SLC4A10: variants seen among roughly 807,000 people sequenced by gnomAD.
SLC4A10 encodes sodium-driven chloride bicarbonate exchanger.
SLC4A10 carries 42 observed loss-of-function variants against 137.7 expected under a neutral mutation model. That is an observed-to-expected ratio of 0.30 (90% CI 0.24 to 0.39). The LOEUF is 0.39. Among genes scored for constraint, SLC4A10 ranks in the 10% least tolerant of loss-of-function variants. The probability of loss-of-function intolerance (pLI) is 1.00; values close to 1 mark genes in which losing one functional copy is unlikely to be tolerated. For missense variants in SLC4A10, 925 were observed against 1,355.0 expected (o/e 0.68, Z 4.98); for synonymous variants, 474 against 464.1 (o/e 1.02, Z -0.27).
intron 1 of SLC4A10, among the ~76,000 whole-genome samples, chr2:161,711,097 A>G (rs576803379): frequency 6.6e-6 from 1 of 151,984 alleles, no homozygotes; most frequent in African/African-American, 2.4e-5. Context: ...AACTTTATTG[A>G]AAATTGCATT....
rs139509936 is a variant in SLC4A10 at position 161,863,147 on chromosome 2, T to C, written c.766+85T>C. The C allele has an allele frequency of 6.2e-5, 77 of 1,233,470 alleles. No individual in the cohort carries two copies. The African/African-American group carries it at 1.1e-3, about 18-fold the overall frequency. The allele number at this position is 1,233,470 out of a possible 1,614,324, so 76.4% of individuals were successfully genotyped here. On this transcript the variant is annotated intron_variant, in intron 6 of 26. Transcript: ENST00000446997. ...CTTCTAAATCTTTTAAAACTTGTTT[T>C]ATTTGAAAATGATTTTTTGAAATTC...
chr2:161,904,939 C>T, intron 14 of SLC4A10, 30 bp downstream of exon 14: 1 of 1,609,816 alleles, frequency 6.2e-7, no homozygotes, highest in Non-Finnish European at 8.5e-7. Context: ...TGGCCCTTAG[C>T]CTCTTCCTTT....
At chr2:161,799,098 T>C (rs1259434782) in intron 2 of SLC4A10, among the ~76,000 whole-genome samples, 2 of 151,546 alleles carry the variant, frequency 1.3e-5, no homozygotes, top group African/African-American at 2.4e-5. Context: ...CATATCTAAA[T>C]GGTTTTGTAT....
At chr2:161,951,887 T>C (rs79306574) in intron 19 of SLC4A10, among the ~76,000 whole-genome samples, 7,424 of 152,214 alleles carry the variant, frequency 0.049, 232 homozygotes, top group South Asian at 0.078. Context: ...ATTTTGAGTA[T>C]ATGGTGGAGA....
At chr2:161,879,652 T>C (rs892700681) in intron 9 of SLC4A10, among the ~76,000 whole-genome samples, 2 of 151,752 alleles carry the variant, frequency 1.3e-5, no homozygotes, top group Non-Finnish European at 2.9e-5. Context: ...AAGGATCCTG[T>C]GCATGAGTGC....
At chr2:161,943,405 ATTC>A (rs1360181965) in intron 16 of SLC4A10, among the ~76,000 whole-genome samples, 1 of 151,914 alleles carries the variant, frequency 6.6e-6, no homozygotes, top group African/African-American at 2.4e-5. Flanking sequence ...TTTCCATTTT[ATTC>A]TTATCTCCCA....
chr2:161,818,067 G>T (rs2057269784), intron 3 of SLC4A10, among the ~76,000 whole-genome samples: 1 of 152,024 alleles, frequency 6.6e-6, no homozygotes, highest in African/African-American at 2.4e-5. Flanking sequence ...AAATTACCTT[G>T]GGCAATATGG....
intron 10 of SLC4A10, among the ~76,000 whole-genome samples, chr2:161,884,836 T>G (rs2062108406): frequency 6.6e-6 from 1 of 152,238 alleles, no homozygotes. Flanking sequence ...TCTCAAAGCC[T>G]CGGTGAGGCA....
At chr2:161,759,922 T>C (rs2050073660) in intron 1 of SLC4A10, among the ~76,000 whole-genome samples, 1 of 151,976 alleles carries the variant, frequency 6.6e-6, no homozygotes, top group African/African-American at 2.4e-5. Context: ...TTTCCTAGAG[T>C]AACAAAAAAA....
intron 25 of SLC4A10, 86 bp from the exon 26 acceptor site, chr2:161,977,635 GT>G (rs1034816742): frequency 8.8e-7 from 1 of 1,135,270 alleles, no homozygotes; most frequent in Non-Finnish European, 1.3e-6. Flanking sequence ...TTGGGACAGT[GT>G]TTACTATAAT....
intron 2 of SLC4A10, among the ~76,000 whole-genome samples, chr2:161,782,046 A>ACC (rs1179060072): frequency 1.3e-5 from 2 of 152,118 alleles, no homozygotes; most frequent in East Asian, 3.9e-4. Context: ...TTATCTAGCC[A>ACC]CCTGGGGGAG....
At chr2:161,647,589 A>G (rs1245423621) in intron 1 of SLC4A10, among the ~76,000 whole-genome samples, 1 of 152,174 alleles carries the variant, frequency 6.6e-6, no homozygotes, top group Non-Finnish European at 1.5e-5. Context: ...AAGAACTACA[A>G]GAAAAAGATG....
intron 1 of SLC4A10, among the ~76,000 whole-genome samples, chr2:161,703,391 A>G (rs747896353): frequency 5.3e-5 from 8 of 151,862 alleles, no homozygotes; most frequent in Non-Finnish European, 8.9e-5. Flanking sequence ...AAATGTTAAT[A>G]TAATACTTGG....
At chr2:161,808,184 TTTC>T (rs2056191582) in intron 3 of SLC4A10, among the ~76,000 whole-genome samples, 1 of 152,134 alleles carries the variant, frequency 6.6e-6, no homozygotes, top group African/African-American at 2.4e-5. Context: ...CATGTCCTAT[TTTC>T]TATTATTTTC....
intron 15 of SLC4A10, among the ~76,000 whole-genome samples, chr2:161,916,206 A>C (rs1217921099): frequency 6.6e-6 from 1 of 152,220 alleles, no homozygotes; most frequent in Non-Finnish European, 1.5e-5. Context: ...TTTGTATTTT[A>C]GTCCATTTAT....
At chr2:161,977,828 A>G in intron 26 of SLC4A10, 68 bp downstream of exon 26, 1 of 1,469,136 alleles carries the variant, frequency 6.8e-7, no homozygotes, top group Non-Finnish European at 9.1e-7. Context: ...TCTTCTAGAA[A>G]CCTGGTCAGT....
At chr2:161,843,106 A>T (rs1164597322) in intron 4 of SLC4A10, among the ~76,000 whole-genome samples, 1 of 152,174 alleles carries the variant, frequency 6.6e-6, no homozygotes, top group Non-Finnish European at 1.5e-5. Flanking sequence ...TGGAATATAT[A>T]TTTGGGCAAG....
chr2:161,817,512 T>A (rs1232949372), intron 3 of SLC4A10, among the ~76,000 whole-genome samples: 2 of 152,138 alleles, frequency 1.3e-5, no homozygotes, highest in Admixed American at 6.6e-5. Flanking sequence ...ATTTTGGCTT[T>A]TGTTGCCATT....
chr2:161,862,076 A>T (rs1186173184), intron 5 of SLC4A10, among the ~76,000 whole-genome samples: 3 of 152,230 alleles, frequency 2.0e-5, no homozygotes, highest in African/African-American at 4.8e-5. Context: ...TGATCTTTAT[A>T]TCACTAAGAA....
Sources: gnomAD v4.1 joint callset for allele counts (sites outside exome capture counted in the v4.1 genomes callset) on GRCh38, gnomAD v4.1.1 for gene constraint, MANE v1.5 for transcripts, NCBI Gene and HGNC (gene_info 2026-07-23, HGNC 2026-07-21) for gene names.